Variants in TECPR2 observed in about 807,000 individuals in gnomAD.
TECPR2 encodes the protein tectonin beta-propeller repeat containing 2.
In TECPR2, 65 loss-of-function variants were observed where a neutral mutation model predicts 138.1. That is an observed-to-expected ratio of 0.47 (90% CI 0.39 to 0.58). TECPR2 has a LOEUF of 0.58. Ranked by LOEUF, TECPR2 falls within the 20% of genes least tolerant of loss-of-function variation. The probability of loss-of-function intolerance (pLI) is 0.00; values close to 1 mark genes in which losing one functional copy is unlikely to be tolerated. For synonymous variants in TECPR2, 746 were observed against 749.8 expected (o/e 0.99, Z 0.08); for missense variants, 1,553 against 1,824.5 (o/e 0.85, Z 2.71).
chr14:102,478,487 C>T (rs560094959), intron 17 of TECPR2, among the ~76,000 whole-genome samples: 2 of 151,700 alleles, frequency 1.3e-5, no homozygotes, highest in South Asian at 4.2e-4. Flanking sequence ...TCAAGACCAG[C>T]CTGGGTATTA....
intron 13 of TECPR2, among the ~76,000 whole-genome samples, chr14:102,447,175 G>A (rs1273648442): frequency 6.6e-6 from 1 of 151,972 alleles, no homozygotes; most frequent in African/African-American, 2.4e-5. Context: ...TTTTTTCTGG[G>A]GCAGAGTCTC....
At position 102,435,196 on chromosome 14, in the gene TECPR2, G is replaced by C; in HGVS notation, c.2379G>C (p.Leu793=). 1 of 1,608,506 alleles carries C rather than the reference G, an allele frequency of 6.2e-7. No homozygotes were observed. The highest frequency in any genetic ancestry group is 8.5e-7 in the Non-Finnish European group (1 of 1,177,552). Residue 793 remains leucine (L), a synonymous_variant, in exon 9 of 20, where the codon CTG becomes CTC. Transcript: ENST00000359520. The part of the protein sequence containing the change: ...LSRLGAEDAG[L]LKPDQFAESW... ...GGCTGGGTGCAGAGGACGCCGGGCT[G>C]CTCAAGCCAGATCAGGTATGTGGGT... is the stretch of plus-strand genomic sequence containing the variant.
chr14:102,383,057 C>T (rs1300371368), intron 2 of TECPR2, among the ~76,000 whole-genome samples: 2 of 152,206 alleles, frequency 1.3e-5, no homozygotes, highest in Non-Finnish European at 2.9e-5. Flanking sequence ...TGTGCCCAGC[C>T]TGCAAATCTT....
In TECPR2 at chr14:102,473,797, T is replaced by TTCTG; in HGVS notation, c.3789+8514_3789+8517dup. 2.6e-5 allele frequency among the ~76,000 whole-genome samples: 4 copies of TTCTG among 152,310 alleles called. 1 individual carries two copies. The highest frequency in any genetic ancestry group is 2.6e-4 in the Admixed American group (4 of 15,288). On this transcript the variant is annotated intron_variant, in intron 17 of 19. Coordinates refer to ENST00000359520, the MANE Select transcript of TECPR2 (RefSeq NM_014844.5). ...AGTTTGCTGTTTGAGTTAGAGAATT[T>TTCTG]TCTGTCTGTGTTAGAGGTACCTCTA...
chr14:102,401,804 C>CAAAA (rs34413626), intron 2 of TECPR2, among the ~76,000 whole-genome samples: 4,254 of 68,532 alleles, frequency 0.062, 435 homozygotes, highest in Non-Finnish European at 0.071. Flanking sequence ...GACTCCGTCT[C>CAAAA]AAAAAAAAAA....
intron 17 of TECPR2, among the ~76,000 whole-genome samples, chr14:102,469,593 C>A (rs1428182446): frequency 3.9e-5 from 6 of 152,144 alleles, no homozygotes; most frequent in Non-Finnish European, 4.4e-5. Flanking sequence ...GCTGGAACTT[C>A]TAGTAAAATG....
intron 2 of TECPR2, among the ~76,000 whole-genome samples, chr14:102,399,356 T>G (rs1018621069): frequency 1.3e-5 from 2 of 152,148 alleles, no homozygotes; most frequent in Non-Finnish European, 2.9e-5. Context: ...ACCTGTCAAC[T>G]AACCATCTAA....
At chr14:102,464,509 C>T (rs35022792) in intron 16 of TECPR2, among the ~76,000 whole-genome samples, 32,313 of 151,934 alleles carry the variant, frequency 0.21, 4,247 homozygotes, top group Middle Eastern at 0.31. Context: ...CTCAGCCTCC[C>T]GAGTAGCTGG....
At chr14:102,456,850 A>G (rs937840974) in intron 16 of TECPR2, among the ~76,000 whole-genome samples, 4 of 151,614 alleles carry the variant, frequency 2.6e-5, no homozygotes, top group Non-Finnish European at 4.4e-5. Context: ...CAGCCTCCCA[A>G]AGTGCTGGGA....
At chr14:102,467,038 A>T (rs1890561386) in intron 17 of TECPR2, among the ~76,000 whole-genome samples, 1 of 152,146 alleles carries the variant, frequency 6.6e-6, no homozygotes, top group African/African-American at 2.4e-5. Flanking sequence ...TGTTGTATGG[A>T]TAGGCCACAT....
chr14:102,488,485 G>GC (rs1021606452), intron 17 of TECPR2, among the ~76,000 whole-genome samples: 15 of 151,538 alleles, frequency 9.9e-5, no homozygotes, highest in African/African-American at 2.4e-4. Flanking sequence ...GATTACAGGC[G>GC]CCCCCCACCA....
At chr14:102,477,764 G>T (rs1223808916) in intron 17 of TECPR2, among the ~76,000 whole-genome samples, 1 of 126,420 alleles carries the variant, frequency 7.9e-6, no homozygotes. Context: ...GTTTTACCAC[G>T]TTAGCCAGGA....
intron 16 of TECPR2, among the ~76,000 whole-genome samples, chr14:102,463,447 A>C (rs12892361): frequency 6.6e-6 from 1 of 150,724 alleles, no homozygotes; most frequent in Non-Finnish European, 1.5e-5. Flanking sequence ...AAAGAAAAAA[A>C]CAAAAAAACA....
intron 6 of TECPR2, among the ~76,000 whole-genome samples, chr14:102,427,967 C>T (rs1889368124): frequency 6.6e-6 from 1 of 152,206 alleles, no homozygotes; most frequent in South Asian, 2.1e-4. Flanking sequence ...TGGGACTGGG[C>T]TGGCAGGGCC....
chr14:102,419,870 C>G lies in TECPR2; in HGVS notation c.638+5077C>G, dbSNP rs1889132505. Among the ~76,000 whole-genome samples, 1 of 152,158 alleles carries G rather than the reference C, an allele frequency of 6.6e-6. No individual in the cohort carries two copies. Among genetic ancestry groups the G allele is most frequent in the South Asian group, 2.1e-4 (1 of 4,832 alleles). On this transcript the variant is annotated intron_variant, in intron 5 of 19. Transcript: ENST00000359520. The surrounding 1 kb of genome is among the most constrained non-coding windows in gnomAD (Gnocchi z 4.8). ...CCCTCCCTGGCAGTAGCACTTTGCC[C>G]TGGGGAAGGAGAAGGAGACGCAGCA...
chr14:102,466,379 G>C (rs985132791), intron 17 of TECPR2, among the ~76,000 whole-genome samples: 10 of 152,178 alleles, frequency 6.6e-5, no homozygotes, highest in African/African-American at 2.4e-4. Flanking sequence ...CAAACATGAG[G>C]TTGTACATAA....
intron 17 of TECPR2, among the ~76,000 whole-genome samples, chr14:102,474,407 C>T (rs1487148368): frequency 1.3e-5 from 2 of 152,152 alleles, no homozygotes; most frequent in Non-Finnish European, 2.9e-5. Flanking sequence ...GGCAGATCAC[C>T]TGAGGTCGGG....
rs943407883 is a variant in TECPR2, at chr14:102,450,725, T to G, written c.3406+76T>G. On this transcript the variant is annotated intron_variant, in intron 15 of 19. Coordinates refer to ENST00000359520, the MANE Select transcript of TECPR2 (RefSeq NM_014844.5). The stretch of plus-strand genomic sequence containing the variant: ...GGAAAGGTTCAAACCACAGTCGGAC[T>G]GTGGCCTTGTTGGTTATGGGGCATG... The G allele has an allele frequency of 4.1e-6, 6 of 1,463,120 alleles. No homozygotes were observed. In the Admixed American group the frequency reaches 8.9e-5, roughly 22 times the overall value. 90.6% of individuals were successfully genotyped at this position (1,463,120 alleles called of 1,614,324 possible).
At chr14:102,417,343 G>T (rs531208037) in intron 5 of TECPR2, among the ~76,000 whole-genome samples, 8 of 152,350 alleles carry the variant, frequency 5.3e-5, no homozygotes, top group Non-Finnish European at 2.9e-5. Flanking sequence ...GCGGAGCTAG[G>T]CATGTACACG....
Sources: gnomAD v4.1 joint callset for allele counts (sites outside exome capture counted in the v4.1 genomes callset) on GRCh38, gnomAD v4.1.1 for gene constraint, Gnocchi (gnomAD v3.1) non-coding constraint, MANE v1.5 for transcripts, NCBI Gene and HGNC (gene_info 2026-07-23, HGNC 2026-07-21) for gene names.